Variants in GCN1 observed in about 807,000 individuals in gnomAD.
GCN1 encodes stalled ribosome sensor GCN1.
Under a neutral mutation model 288.4 loss-of-function variants are expected in GCN1, and 90 were observed. The ratio of observed to expected loss-of-function variants is 0.31; its 90% CI spans 0.26 to 0.37. The LOEUF (loss-of-function observed/expected upper bound fraction) is 0.37. GCN1 is among the 10% of genes least tolerant of loss of function. The pLI is 1.00. For synonymous variants in GCN1, 1,386 were observed against 1,420.2 expected, an observed-to-expected ratio of 0.98 and a Z score of 0.54; for missense variants, 2,586 against 3,419.9, an observed-to-expected ratio of 0.76 and a Z score of 6.08.
At chr12:120,154,230 A>G (rs1044889569) in intron 31 of GCN1, among the ~76,000 whole-genome samples, 3 of 152,238 alleles carry the variant, frequency 2.0e-5, no homozygotes, top group South Asian at 4.1e-4. Context: ...ACAGAGGTAA[A>G]AGAACCAGAT....
chr12:120,177,345 C>G lies in GCN1; in HGVS notation c.838+102G>C, dbSNP rs1794435309. 8 of 652,960 alleles carry G rather than the reference C, an allele frequency of 1.2e-5. No homozygotes were observed. The Admixed American group carries it at 2.1e-4, about 17-fold the overall frequency. The allele number at this position is 652,960 out of a possible 1,614,324, so 40.4% of individuals were successfully genotyped here. On this transcript the variant is annotated intron_variant, in intron 9 of 57. Transcript: ENST00000300648. ...CAAGGTAAACAATGAATACATCCCC[C>G]TTCCCTCCCCCCTACCACACACACT...
At chr12:120,177,900 C>A in intron 7 of GCN1, 148 bp from the exon 8 acceptor site, 1 of 671,032 alleles carries the variant, frequency 1.5e-6, no homozygotes, top group Non-Finnish European at 2.7e-6. Flanking sequence ...ACTGATCACG[C>A]AACCCCACTT....
intron 7 of GCN1, among the ~76,000 whole-genome samples, chr12:120,178,192 G>A (rs896899256): frequency 2.6e-5 from 4 of 152,150 alleles, no homozygotes; most frequent in Admixed American, 6.5e-5. Flanking sequence ...TCCTTCCGTT[G>A]TGGAGTCTCA....
chr12:120,151,289 C>T lies in GCN1; in HGVS notation c.4165G>A (p.Asp1389Asn). Residue 1389 changes from aspartate (D) to asparagine (N), a missense_variant, in exon 34 of 58, where the codon GAC becomes AAC. Asp to Asn is a conservative substitution (Grantham distance 23, BLOSUM62 1). This residue lies in a region of GCN1 where 332 missense variants were observed against 403.0 expected (regional missense o/e 0.82). Transcript: ENST00000300648. ...QRLMQQLLES[D>N]KYAERKGAAY... The stretch of plus-strand genomic sequence containing the variant: ...GCCCCTTTGCGCTCTGCGTACTTGT[C>T]TGACTCCAGCAGCTGCTGCATAAGC... 1 of 1,614,224 alleles carries T rather than the reference C, an allele frequency of 6.2e-7. No homozygotes were observed. Among genetic ancestry groups the T allele is most frequent in the East Asian group, 2.2e-5 (1 of 44,888 alleles).
At position 120,168,286 on chromosome 12, in the gene GCN1, T is replaced by G. The variant is rs764533361; in HGVS notation, c.1534A>C (p.Ser512Arg). 3.7e-6 allele frequency: 6 copies of G among 1,603,822 alleles called. No individual in the cohort carries two copies. In the South Asian group the frequency reaches 5.5e-5, roughly 15 times the overall value. The change falls in exon 16 of 58, where the codon AGT (serine) becomes CGT (arginine). Residue 512 changes from serine to arginine, a missense_variant. By Grantham distance (110) the Ser-to-Arg change is moderately radical. Coordinates refer to ENST00000300648, the MANE Select transcript of GCN1 (RefSeq NM_006836.2). ...ADSQAEAKLS[S>R]FWQLIVDEKK... Reference sequence around the variant, plus strand: ...TCATCCACAATCAACTGCCAGAAACTGCTCAGTTTGGCCTCTGCAAGAAAC... The same window carrying G: ...TCATCCACAATCAACTGCCAGAAACGGCTCAGTTTGGCCTCTGCAAGAAAC...
Position 120,137,632 on chromosome 12 carries a change from G to A in GCN1, c.6576C>T (p.Ser2192=), listed in dbSNP as rs747527910. The change falls in exon 49 of 58, where the codon AGC becomes AGT. Residue 2192 remains serine (S), a synonymous_variant. Transcript: ENST00000300648. The surrounding 1 kb of genome is among the most constrained non-coding windows in gnomAD (Gnocchi z 5.2). ...SKADYTSHLR[S]LVSGLIRLFN... The stretch of plus-strand genomic sequence containing the variant: ...AGAGGCGGATCAGGCCCGAGACCAG[G>A]CTCCGCAGGTGGCTGGTGTAGTCAG... 1 of 1,614,086 alleles carries A rather than the reference G, an allele frequency of 6.2e-7. No individual in the cohort carries two copies. Among genetic ancestry groups the A allele is most frequent in the Non-Finnish European group, 8.5e-7 (1 of 1,179,918 alleles).
intron 1 of GCN1, 53 bp from the exon 2 acceptor site, chr12:120,190,453 G>A (rs1380929434): frequency 3.1e-6 from 3 of 962,602 alleles, no homozygotes; most frequent in African/African-American, 3.2e-5. Context: ...AAAACTATGA[G>A]TGTGTGTGTT....
intron 1 of GCN1, among the ~76,000 whole-genome samples, chr12:120,193,557 G>A (rs1359311546): frequency 6.6e-6 from 1 of 152,112 alleles, no homozygotes; most frequent in East Asian, 1.9e-4. Context: ...CACCCGCCTT[G>A]GCCTCCCAAA....
chr12:120,151,099 G>A, intron 34 of GCN1, 46 bp downstream of exon 34: 4 of 1,595,192 alleles, frequency 2.5e-6, no homozygotes, highest in South Asian at 1.1e-5. Context: ...GGCAACCTGG[G>A]GACCAACTTC....
Position 120,153,697 on chromosome 12 carries a change from G to T in GCN1, c.3867+47C>A. 6.3e-7 allele frequency: 1 copy of T among 1,578,874 alleles called. No individual in the cohort carries two copies. The highest frequency in any genetic ancestry group is 8.7e-7 in the Non-Finnish European group (1 of 1,152,938). ...CTCCCGTGTCTCCTTAGCGGGCTGG[G>T]ACCCCCTTACCTTCCCGTGGGTGTT... On this transcript the variant is annotated intron_variant, in intron 32 of 57. Coordinates refer to ENST00000300648, the MANE Select transcript of GCN1 (RefSeq NM_006836.2). This position sits in a 1 kb window ranked among gnomAD's most constrained non-coding sequence, Gnocchi z 4.4.
At chr12:120,135,426 C>T (rs1490610011) in intron 51 of GCN1, among the ~76,000 whole-genome samples, 1 of 151,838 alleles carries the variant, frequency 6.6e-6, no homozygotes, top group Non-Finnish European at 1.5e-5. Flanking sequence ...GTGCAAGGCG[C>T]GATCTCAGCT....
rs1333837106 is a variant in GCN1, at chr12:120,159,997, A to G, written c.2577T>C (p.Leu859=). ...TGGCCAGGATGATGTCCAGCAGTCC[A>G]AGCGCCGCCTCCAGCTCCCCATCCA... ...QELDGELEAA[L]GLLDIILAKN... Residue 859 remains leucine, a synonymous_variant, in exon 24 of 58, where the codon CTT becomes CTC. Transcript: ENST00000300648. 1.2e-6 allele frequency: 2 copies of G among 1,614,144 alleles called. No homozygotes were observed. Among genetic ancestry groups the G allele is most frequent in the Admixed American group, 1.7e-5 (1 of 60,038 alleles).
chr12:120,169,509 G>A (rs1481154996), intron 15 of GCN1, among the ~76,000 whole-genome samples: 7 of 151,852 alleles, frequency 4.6e-5, no homozygotes, highest in African/African-American at 1.7e-4. Flanking sequence ...TGGTAATACT[G>A]TTTTTTCTTT....
rs1182519344 is a variant in GCN1 at position 120,177,675 on chromosome 12, C to G, written c.729+9G>C. 3 of 1,607,500 alleles carry G rather than the reference C, an allele frequency of 1.9e-6. No individual in the cohort carries two copies. Among genetic ancestry groups the G allele is most frequent in the Non-Finnish European group, 2.6e-6 (3 of 1,174,032 alleles). ...TTGTCCAGGTGAGTAACGTCCACCT[C>G]TCGCTCACCAACAGGTACTTCGGAG... On this transcript the variant is annotated intron_variant, in intron 8 of 57. Coordinates refer to ENST00000300648, the MANE Select transcript of GCN1 (RefSeq NM_006836.2).
Position 120,155,113 on chromosome 12 carries a change from G to A in GCN1, c.3631-73C>T, listed in dbSNP as rs1262686298. 2.6e-6 allele frequency: 4 copies of A among 1,526,206 alleles called. No homozygotes were observed. Among genetic ancestry groups the A allele is most frequent in the African/African-American group, 2.7e-5 (2 of 73,206 alleles). 94.5% of individuals were successfully genotyped at this position (1,526,206 alleles called of 1,614,324 possible). A position where few individuals can be genotyped will look rare whatever the true frequency, so the allele number is the denominator to read the frequency against. ...CCTGGGCACCAGGATTGTGAGGCAGGAAACTAGCCGCAGCTACCCTGAGCC... is the reference window on the plus strand; with the variant it reads ...CCTGGGCACCAGGATTGTGAGGCAGAAAACTAGCCGCAGCTACCCTGAGCC... On this transcript the variant is annotated intron_variant, in intron 30 of 57. Transcript: ENST00000300648. This position sits in a 1 kb window ranked among gnomAD's most constrained non-coding sequence, Gnocchi z 4.9.
At chr12:120,138,205 C>A (rs1467143920) in intron 47 of GCN1, 118 bp downstream of exon 47, 2 of 921,336 alleles carry the variant, frequency 2.2e-6, no homozygotes, top group South Asian at 2.8e-5. Flanking sequence ...GTAATGCTTG[C>A]ACTGCACCCT....
intron 16 of GCN1, among the ~76,000 whole-genome samples, chr12:120,164,923 TTTTA>T (rs1166950860): frequency 6.0e-5 from 9 of 149,654 alleles, no homozygotes; most frequent in Non-Finnish European, 1.2e-4. Flanking sequence ...TATATACTAT[TTTTA>T]TTTATTTTAT....
At chr12:120,168,562 A>G (rs983311782) in intron 15 of GCN1, 2 of 423,252 alleles carry the variant, frequency 4.7e-6, no homozygotes, top group Non-Finnish European at 8.7e-6. Flanking sequence ...CCAGGCGCCA[A>G]GCTGGAATAC....
chr12:120,130,508 G>T (rs972164080), intron 56 of GCN1, 138 bp downstream of exon 56: 22 of 647,014 alleles, frequency 3.4e-5, no homozygotes, highest in South Asian at 2.8e-4. Context: ...ATCCCTAAGT[G>T]TTCAGCGATC....
Sources: gnomAD v4.1 joint callset for allele counts (sites outside exome capture counted in the v4.1 genomes callset) on GRCh38, gnomAD v4.1.1 for gene constraint, gnomAD v4.1.1 regional missense constraint, Gnocchi (gnomAD v3.1) non-coding constraint, MANE v1.5 for transcripts, NCBI Gene and HGNC (gene_info 2026-07-23, HGNC 2026-07-21) for gene names.